Variants in RTRAF observed in about 807,000 individuals in gnomAD.
RTRAF encodes tRNA-splicing ligase complex subunit RTRAF.
Under a neutral mutation model 34.4 loss-of-function variants are expected in RTRAF, and 14 were observed. The observed-to-expected ratio is 0.41, with a 90% CI of 0.27 to 0.64. The LOEUF is 0.64. Ranked by LOEUF, RTRAF falls within the 30% of genes least tolerant of loss-of-function variation. RTRAF has a pLI of 0.34. For synonymous variants in RTRAF, 96 were observed against 95.3 expected (o/e 1.01, Z -0.04); for missense variants, 291 against 288.4 (o/e 1.01, Z -0.06).
rs1830537228 is a variant in RTRAF at position 52,004,932 on chromosome 14, A to ATGCAAATTGAATCATTT, written c.*418_*434dup. ...TATAGAGGCACTACAGGATCAGAAA[A>ATGCAAATTGAATCATTT]TGCAAATTGAATCATTTTAGCACCT... On this transcript the variant is annotated 3_prime_UTR_variant, in exon 8 of 8. Transcript: ENST00000261700. 1 of 158,948 alleles carries ATGCAAATTGAATCATTT rather than the reference A, an allele frequency of 6.3e-6. No homozygotes were observed. The highest frequency in any genetic ancestry group is 2.4e-5 in the African/African-American group (1 of 41,702). 9.8% of individuals were successfully genotyped at this position (158,948 alleles called of 1,614,324 possible).
At chr14:51,996,104 C>G (rs896278173) in intron 3 of RTRAF, among the ~76,000 whole-genome samples, 2 of 151,962 alleles carry the variant, frequency 1.3e-5, no homozygotes, top group African/African-American at 4.8e-5. Context: ...TTAGTAAGTA[C>G]ATGTATTTCT....
chr14:51,997,023 ATGTGT>A (rs1323983052), intron 3 of RTRAF, among the ~76,000 whole-genome samples: 1 of 151,892 alleles, frequency 6.6e-6, no homozygotes, highest in Non-Finnish European at 1.5e-5. Context: ...CACAGAAGTG[ATGTGT>A]TCTTTTTAGT....
At chr14:51,998,621 GGTTTTTTAAAT>G in intron 4 of RTRAF, 41 bp downstream of exon 4, 1 of 1,370,344 alleles carries the variant, frequency 7.3e-7, no homozygotes, top group Non-Finnish European at 1.0e-6. Flanking sequence ...CAACATTTTT[GGTTTTTTAAAT>G]GTTTTTTTCT....
rs1331152810 is a variant in RTRAF at position 52,006,144 on chromosome 14, A to AT, written c.*1633dup. ...TCATTTGAGAACTAGTCTAAATAGT[A>AT]TTTTTCGGTCCCTCAGACAATATGT... On this transcript the variant is annotated 3_prime_UTR_variant, in exon 8 of 8. Coordinates refer to ENST00000261700, the MANE Select transcript of RTRAF (RefSeq NM_016039.3). 2.4e-6 allele frequency: 1 copy of AT among 424,528 alleles called. No homozygotes were observed. Among genetic ancestry groups the AT allele is most frequent in the African/African-American group, 2.0e-5 (1 of 50,192 alleles). 26.3% of individuals were successfully genotyped at this position (424,528 alleles called of 1,614,324 possible).
intron 3 of RTRAF, among the ~76,000 whole-genome samples, chr14:51,994,789 G>T (rs1890492479): frequency 2.0e-5 from 3 of 152,138 alleles, no homozygotes. Flanking sequence ...TAGCATGGTA[G>T]TTAATGATGA....
In RTRAF at chr14:52,005,732, T is replaced by TTTACC. The variant is rs781086774; in HGVS notation, c.*1218_*1222dup. The TTTACC allele has an allele frequency of 1.1e-5, 17 of 1,607,262 alleles. No individual in the cohort carries two copies. The Middle Eastern group carries it at 8.2e-4, about 78-fold the overall frequency. On this transcript the variant is annotated 3_prime_UTR_variant, in exon 8 of 8. Coordinates refer to ENST00000261700, the MANE Select transcript of RTRAF (RefSeq NM_016039.3). Reference sequence around the variant, plus strand: ...TAAAGGAGCATCCTAAAGCATACTTTTTACCTGTTGGGCAGTAGGGGTAGA... The same window carrying TTTACC: ...TAAAGGAGCATCCTAAAGCATACTTTTTACCTTACCTGTTGGGCAGTAGGGGTAGA...
rs767903873 is a variant in RTRAF, at chr14:52,005,770, C to T, written c.*1254C>T. ...CAGTAGGGGTAGACTGCAGTTATCC[C>T]GTAGAGGTGAGATCGTTGTTCTGGG... On this transcript the variant is annotated 3_prime_UTR_variant, in exon 8 of 8. Coordinates refer to ENST00000261700, the MANE Select transcript of RTRAF (RefSeq NM_016039.3). 12 of 1,613,810 alleles carry T rather than the reference C, an allele frequency of 7.4e-6. No individual in the cohort carries two copies. Among genetic ancestry groups the T allele is most frequent in the Non-Finnish European group, 9.3e-6 (11 of 1,179,756 alleles).
intron 6 of RTRAF, 60 bp downstream of exon 6, chr14:52,001,926 ATTTTAAACT>A: frequency 1.5e-6 from 2 of 1,376,460 alleles, no homozygotes; most frequent in Non-Finnish European, 2.0e-6. Context: ...TATGGCCGTG[ATTTTAAACT>A]TTGCATGTAT....
At position 52,005,452 on chromosome 14, in the gene RTRAF, T is replaced by C; in HGVS notation, c.*936T>C. The C allele has an allele frequency of 6.4e-7, 1 of 1,567,274 alleles. No individual in the cohort carries two copies. Among genetic ancestry groups the C allele is most frequent in the Non-Finnish European group, 8.6e-7 (1 of 1,161,180 alleles). Reference sequence around the variant, plus strand: ...TGTTCTTTAGGGTCCAGGTTCTGATTGTAAACTCCAAGTCTTCCTTTACAT... The same window carrying C: ...TGTTCTTTAGGGTCCAGGTTCTGATCGTAAACTCCAAGTCTTCCTTTACAT... On this transcript the variant is annotated 3_prime_UTR_variant, in exon 8 of 8. Coordinates refer to ENST00000261700, the MANE Select transcript of RTRAF (RefSeq NM_016039.3).
In RTRAF at chr14:52,006,115, T is replaced by C. The variant is rs938146907; in HGVS notation, c.*1599T>C. The C allele has an allele frequency of 6.4e-6, 3 of 468,774 alleles. No homozygotes were observed. The highest frequency in any genetic ancestry group is 6.6e-5 in the Admixed American group (2 of 30,102). 29.0% of individuals were successfully genotyped at this position (468,774 alleles called of 1,614,324 possible). A position where few individuals can be genotyped will look rare whatever the true frequency, so the allele number is the denominator to read the frequency against. The stretch of plus-strand genomic sequence containing the variant: ...GGGCTTAGACTTTAATGTTCCACAG[T>C]TCCTCATTTGAGAACTAGTCTAAAT... On this transcript the variant is annotated 3_prime_UTR_variant, in exon 8 of 8. Coordinates refer to ENST00000261700, the MANE Select transcript of RTRAF (RefSeq NM_016039.3).
In RTRAF at chr14:52,005,238, A is replaced by C; in HGVS notation, c.*722A>C. 2.7e-6 allele frequency: 1 copy of C among 372,846 alleles called. No individual in the cohort carries two copies. The highest frequency in any genetic ancestry group is 4.8e-6 in the Non-Finnish European group (1 of 209,132). The allele number at this position is 372,846 out of a possible 1,614,324, so 23.1% of individuals were successfully genotyped here. On this transcript the variant is annotated 3_prime_UTR_variant, in exon 8 of 8. Transcript: ENST00000261700. ...AATGTTTACAAGAAGTTGCTTTAAT[A>C]AGCAACAGTTAAAATTCTGTTACCT...
rs1349601542 is a variant in RTRAF at position 52,004,250 on chromosome 14, A to G, written c.580+8A>G. ...TTGGTTTTGACACAGGAGGTAAGTG[A>G]TTTTGTTTAAATTCAAACTATTTTT... On this transcript the variant is annotated splice_region_variant and intron_variant, in intron 7 of 7. Coordinates refer to ENST00000261700, the MANE Select transcript of RTRAF (RefSeq NM_016039.3). 7 of 1,613,150 alleles carry G rather than the reference A, an allele frequency of 4.3e-6. No individual in the cohort carries two copies. The highest frequency in any genetic ancestry group is 1.3e-5 in the African/African-American group (1 of 74,958).
Position 52,009,001 on chromosome 14 carries a change from G to A in RTRAF, c.*4485G>A, listed in dbSNP as rs892333772. The A allele has an allele frequency of 6.6e-6, 1 of 152,214 alleles. No homozygotes were observed. The highest frequency in any genetic ancestry group is 2.4e-5 in the African/African-American group (1 of 41,448). 9.4% of individuals were successfully genotyped at this position (152,214 alleles called of 1,614,324 possible). A position where few individuals can be genotyped will look rare whatever the true frequency, so the allele number is the denominator to read the frequency against. On this transcript the variant is annotated 3_prime_UTR_variant, in exon 8 of 8. Transcript: ENST00000261700. ...AAGGAAACAAACAGGTTTATCGTTA[G>A]AGCAGAAATAATGTTGAAAGCACTT...
chr14:51,992,311 C>T (rs1021165062), intron 2 of RTRAF, among the ~76,000 whole-genome samples: 1 of 152,070 alleles, frequency 6.6e-6, no homozygotes, highest in Non-Finnish European at 1.5e-5. Context: ...TTTTCATTTG[C>T]GAGAGCAGTG....
At chr14:51,989,769 A>G in intron 1 of RTRAF, 69 bp downstream of exon 1, 1 of 1,461,988 alleles carries the variant, frequency 6.8e-7, no homozygotes, top group Non-Finnish European at 9.3e-7. Flanking sequence ...CAGTGCCCGC[A>G]CCCCACCTCC....
In RTRAF at chr14:52,006,267, T is replaced by C. The variant is rs1890777871; in HGVS notation, c.*1751T>C. On this transcript the variant is annotated 3_prime_UTR_variant, in exon 8 of 8. Coordinates refer to ENST00000261700, the MANE Select transcript of RTRAF (RefSeq NM_016039.3). ...AACATATTTAGATTAATATGCTCCC[T>C]TTTGAGACATTATCCAATAGCTTTG... 9.4e-6 allele frequency: 4 copies of C among 426,784 alleles called. No homozygotes were observed. Among genetic ancestry groups the C allele is most frequent in the Middle Eastern group, 6.6e-4 (1 of 1,520 alleles). The allele number at this position is 426,784 out of a possible 1,614,324, so 26.4% of individuals were successfully genotyped here. A position where few individuals can be genotyped will look rare whatever the true frequency, so the allele number is the denominator to read the frequency against.
At chr14:51,990,667 A>G (rs965671072) in intron 1 of RTRAF, among the ~76,000 whole-genome samples, 3 of 152,176 alleles carry the variant, frequency 2.0e-5, no homozygotes, top group Non-Finnish European at 4.4e-5. Flanking sequence ...TTGAGTCTCA[A>G]TGTTCTTATC....
At position 52,001,651 on chromosome 14, in the gene RTRAF, T is replaced by C. The variant is rs1040146330; in HGVS notation, c.463-147T>C. The C allele has an allele frequency of 2.0e-5, 13 of 640,330 alleles. No individual in the cohort carries two copies. The African/African-American group carries it at 2.1e-4, about 10-fold the overall frequency. 39.7% of individuals were successfully genotyped at this position (640,330 alleles called of 1,614,324 possible). ...GGTTACGTTATATTAGTGGGTTTTT[T>C]TTATTTTTAATTTAATGGGGAGTTT... is the stretch of plus-strand genomic sequence containing the variant. On this transcript the variant is annotated intron_variant, in intron 5 of 7. Transcript: ENST00000261700.
intron 4 of RTRAF, chr14:51,999,484 G>T: frequency 2.5e-6 from 1 of 394,086 alleles, no homozygotes; most frequent in Non-Finnish European, 4.6e-6. Flanking sequence ...ATCCTAAGTT[G>T]GGGACCGTCT....
Sources: allele counts gnomAD v4.1 joint callset (sites outside exome capture counted in the v4.1 genomes callset), GRCh38; gene constraint gnomAD v4.1.1; transcripts MANE v1.5; gene names NCBI Gene and HGNC (gene_info 2026-07-23, HGNC 2026-07-21).